CNIH3: variants seen among roughly 807,000 people sequenced by gnomAD.
The protein encoded by CNIH3 is cornichon family AMPA receptor auxiliary protein 3.
A neutral mutation model predicts 24.1 loss-of-function variants in CNIH3; 14 were observed. The ratio of observed to expected loss-of-function variants is 0.58; its 90% CI spans 0.38 to 0.91. CNIH3 has a LOEUF of 0.91. Ranked by LOEUF, CNIH3 falls within the 40% of genes least tolerant of loss-of-function variation. CNIH3 has a pLI of 0.00. For synonymous variants in CNIH3, 68 were observed against 73.8 expected (o/e 0.92, Z 0.40); for missense variants, 178 against 196.8 (o/e 0.90, Z 0.57).
chr1:224,685,626 T>G (rs12046028), intron 3 of CNIH3, among the ~76,000 whole-genome samples: 31,788 of 152,228 alleles, frequency 0.21, 3,882 homozygotes, highest in African/African-American at 0.34. Flanking sequence ...CCCAAAAGGA[T>G]TTTTTGAGCC....
At chr1:224,632,082 G>A (rs1222644987) in intron 1 of CNIH3, among the ~76,000 whole-genome samples, 14 of 152,188 alleles carry the variant, frequency 9.2e-5, no homozygotes, top group Admixed American at 9.2e-4. Flanking sequence ...GATAGGACTT[G>A]GGAGGTCCAG....
intron 1 of CNIH3, among the ~76,000 whole-genome samples, chr1:224,621,847 C>G (rs2125066546): frequency 6.6e-6 from 1 of 152,272 alleles, no homozygotes; most frequent in South Asian, 2.1e-4. Context: ...AATTGTAGCT[C>G]TCATAATCTC....
At chr1:224,625,522 C>T (rs1683479334) in intron 1 of CNIH3, among the ~76,000 whole-genome samples, 1 of 152,244 alleles carries the variant, frequency 6.6e-6, no homozygotes, top group Admixed American at 6.5e-5. Flanking sequence ...CGCCACTGCA[C>T]TCCAGCCTGG....
At chr1:224,647,411 G>A (rs1469753214) in intron 1 of CNIH3, among the ~76,000 whole-genome samples, 1 of 152,232 alleles carries the variant, frequency 6.6e-6, no homozygotes, top group Non-Finnish European at 1.5e-5. Flanking sequence ...AGTCTGGCTT[G>A]CTTGTCCATG....
chr1:224,462,736 C>G (rs1255807104), intron 1 of CNIH3, among the ~76,000 whole-genome samples: 1 of 147,962 alleles, frequency 6.8e-6, no homozygotes, highest in Non-Finnish European at 1.5e-5. Flanking sequence ...ACCTCCCAGG[C>G]TCAGGTGATC....
At position 224,684,112 on chromosome 1, in the gene CNIH3, C is replaced by T. The variant is rs111358795; in HGVS notation, c.151-684C>T. The stretch of plus-strand genomic sequence containing the variant: ...CTGTGTTCAGTGTGGCTTTGGAAAT[C>T]GTTAAAGTCACTGAAGGAAAAGGGA... On this transcript the variant is annotated intron_variant, in intron 2 of 5. Coordinates refer to ENST00000272133, the MANE Select transcript of CNIH3 (RefSeq NM_152495.2). The surrounding 1 kb of genome is among the most constrained non-coding windows in gnomAD (Gnocchi z 4.2). Among the ~76,000 whole-genome samples, 43 of 152,268 alleles carry T rather than the reference C, an allele frequency of 2.8e-4. No homozygotes were observed. Among genetic ancestry groups the T allele is most frequent in the African/African-American group, 9.9e-4 (41 of 41,550 alleles).
At chr1:224,683,886 C>T (rs915778530) in intron 2 of CNIH3, among the ~76,000 whole-genome samples, 4 of 152,220 alleles carry the variant, frequency 2.6e-5, no homozygotes, top group African/African-American at 9.7e-5. Context: ...GTCTTTCCAG[C>T]CATGTGGACA....
intron 5 of CNIH3, among the ~76,000 whole-genome samples, chr1:224,586,745 G>A (rs1233112563): frequency 3.3e-5 from 5 of 152,154 alleles, no homozygotes; most frequent in Admixed American, 1.3e-4. Context: ...AAATCATCCT[G>A]GATTCAGGGT....
intron 3 of CNIH3, among the ~76,000 whole-genome samples, chr1:224,552,425 G>A (rs910773126): frequency 1.7e-4 from 26 of 150,116 alleles, no homozygotes; most frequent in African/African-American, 5.1e-4. Flanking sequence ...ATCAAAGGGC[G>A]TCCATCCACT....
At chr1:224,592,537 C>A (rs1681802874), downstream of CNIH3, among the ~76,000 whole-genome samples, 1 of 152,144 alleles carries the variant, frequency 6.6e-6, no homozygotes, top group Non-Finnish European at 1.5e-5. Flanking sequence ...AATGGCACAC[C>A]CGCTCGTGGC....
At chr1:224,593,065 ACT>A (rs1201616442), downstream of CNIH3, among the ~76,000 whole-genome samples, 2 of 149,952 alleles carry the variant, frequency 1.3e-5, no homozygotes, top group Non-Finnish European at 3.0e-5. Context: ...TGGCCTGAGG[ACT>A]CTCTGAAATG....
chr1:224,663,287 A>T (rs12405636), intron 1 of CNIH3, among the ~76,000 whole-genome samples: 1 of 152,080 alleles, frequency 6.6e-6, no homozygotes, highest in African/African-American at 2.4e-5. Context: ...CCACAACTAC[A>T]TTCATACCAA....
chr1:224,644,398 C>T lies in CNIH3; in HGVS notation c.81+27143C>T, dbSNP rs115394880. On this transcript the variant is annotated intron_variant, in intron 1 of 5. Transcript: ENST00000272133. ...GCTAATTTTTGTATTTTTTGTAGAT[C>T]TCTAGTGGATGATTCCCCATCCAAG... Among the ~76,000 whole-genome samples the T allele has an allele frequency of 9.6e-3, 1,458 of 152,014 alleles. 7 individuals carry two copies. Among genetic ancestry groups the T allele is most frequent in the Middle Eastern group, 0.017 (5 of 294 alleles).
chr1:224,434,841 C>T (rs1674569108), exon 1 of CNIH3: 1 of 985,624 alleles, frequency 1.0e-6, no homozygotes, highest in East Asian at 1.1e-4. Context: ...ATACTGCCCT[C>T]CTCACTCACT....
At chr1:224,641,580 A>G (rs561271071) in intron 1 of CNIH3, among the ~76,000 whole-genome samples, 34 of 152,150 alleles carry the variant, frequency 2.2e-4, no homozygotes, top group Non-Finnish European at 4.9e-4. Context: ...CCTGGGACAA[A>G]TCAACATCCT....
chr1:224,447,572 G>A (rs986006578), intron 1 of CNIH3, among the ~76,000 whole-genome samples: 6 of 152,164 alleles, frequency 3.9e-5, no homozygotes, highest in African/African-American at 7.2e-5. Context: ...AGTCAAGTTG[G>A]CACCTAAAAT....
chr1:224,490,006 G>A (rs1240214745), intron 1 of CNIH3, among the ~76,000 whole-genome samples: 1 of 152,188 alleles, frequency 6.6e-6, no homozygotes, highest in African/African-American at 2.4e-5. Flanking sequence ...TCAGATCATA[G>A]CAATAGGTAT....
intron 1 of CNIH3, among the ~76,000 whole-genome samples, chr1:224,670,860 A>G (rs1197849848): frequency 6.6e-6 from 1 of 152,248 alleles, no homozygotes; most frequent in Non-Finnish European, 1.5e-5. Context: ...TGACTTGGCT[A>G]TGATGTCTAG....
At chr1:224,629,752 G>C (rs1485901842) in intron 1 of CNIH3, among the ~76,000 whole-genome samples, 1 of 152,008 alleles carries the variant, frequency 6.6e-6, no homozygotes, top group African/African-American at 2.4e-5. Flanking sequence ...CTCAGTCTTT[G>C]CTGCACAGAC....
Sources: gnomAD v4.1 joint callset for allele counts (sites outside exome capture counted in the v4.1 genomes callset) on GRCh38, gnomAD v4.1.1 for gene constraint, Gnocchi (gnomAD v3.1) non-coding constraint, MANE v1.5 for transcripts, NCBI Gene and HGNC (gene_info 2026-07-23, HGNC 2026-07-21) for gene names.